Variants in FAM178B observed in about 807,000 individuals in gnomAD.
FAM178B encodes family with sequence similarity 178 member B, also known as protein FAM178B.
A neutral mutation model predicts 91.7 loss-of-function variants in FAM178B; 82 were observed. The observed-to-expected ratio is 0.89, with a 90% CI of 0.75 to 1.07. FAM178B has a LOEUF of 1.07. FAM178B is among the 50% of genes least tolerant of loss of function. The pLI, the probability that FAM178B is intolerant of heterozygous loss-of-function variation, is 0.00. For missense variants in FAM178B, 769 were observed against 846.7 expected (o/e 0.91, Z 1.14); for synonymous variants, 368 against 359.4 (o/e 1.02, Z -0.27).
At chr2:96,887,717 C>T (rs899338451) in intron 14 of FAM178B, among the ~76,000 whole-genome samples, 3 of 152,246 alleles carry the variant, frequency 2.0e-5, no homozygotes, top group African/African-American at 7.2e-5. Context: ...GTCTATTTTC[C>T]TAACTCAGAA....
chr2:96,967,680 A>G (rs1485329392), intron 4 of FAM178B, 53 bp from the exon 5 acceptor site: 1 of 1,282,980 alleles, frequency 7.8e-7, no homozygotes, highest in Non-Finnish European at 1.1e-6. Flanking sequence ...CCCATCGTGC[A>G]ACCCTGTCAC....
At chr2:96,951,275 C>T in intron 7 of FAM178B, 104 bp downstream of exon 7, 1 of 803,404 alleles carries the variant, frequency 1.2e-6, no homozygotes, top group East Asian at 2.7e-5. Flanking sequence ...CCAAGCAGCA[C>T]CTAAGGCAAG....
At chr2:96,928,455 C>T (rs569834192) in intron 9 of FAM178B, among the ~76,000 whole-genome samples, 2 of 152,334 alleles carry the variant, frequency 1.3e-5, no homozygotes, top group South Asian at 4.1e-4. Flanking sequence ...ATGATCATGA[C>T]TGTCCACGAG....
At chr2:96,880,796 G>A (rs972779548) in intron 14 of FAM178B, among the ~76,000 whole-genome samples, 6 of 152,054 alleles carry the variant, frequency 3.9e-5, no homozygotes, top group South Asian at 2.1e-4. Context: ...GGGTTTCACC[G>A]TGTTAGCCAG....
chr2:96,943,775 C>T (rs546691457), intron 8 of FAM178B, among the ~76,000 whole-genome samples: 3 of 152,314 alleles, frequency 2.0e-5, no homozygotes, highest in African/African-American at 7.2e-5. Context: ...TACTCTTCCA[C>T]CTCGTCTTTG....
rs552914846 is a variant in FAM178B at position 96,974,713 on chromosome 2, A to G, written c.74-2107T>C. 6.6e-5 allele frequency among the ~76,000 whole-genome samples: 10 copies of G among 152,310 alleles called. No homozygotes were observed. The South Asian group carries it at 2.1e-3, about 32-fold the overall frequency. ...AAAGAAAGCTCGGGTAGTTACACTA[A>G]TAACAGACTTAAGTGACTTTAAGTC... On this transcript the variant is annotated intron_variant, in intron 1 of 16. Transcript: ENST00000490605.
At chr2:96,888,175 AT>A (rs541725559) in intron 14 of FAM178B, among the ~76,000 whole-genome samples, 243 of 152,322 alleles carry the variant, frequency 1.6e-3, no homozygotes, top group Middle Eastern at 6.8e-3. Flanking sequence ...TTTGAGGTTT[AT>A]TTTTAAAGAT....
chr2:96,913,307 C>T (rs764468553), intron 12 of FAM178B, among the ~76,000 whole-genome samples: 3 of 152,144 alleles, frequency 2.0e-5, no homozygotes, highest in Non-Finnish European at 4.4e-5. Context: ...GCTGTGGCTC[C>T]GGGCAGCCTG....
chr2:96,955,338 G>A (rs554519885), intron 6 of FAM178B, among the ~76,000 whole-genome samples: 30 of 152,222 alleles, frequency 2.0e-4, no homozygotes, highest in Non-Finnish European at 3.4e-4. Context: ...GTGAAACCCC[G>A]TCTCTACTAA....
intron 8 of FAM178B, among the ~76,000 whole-genome samples, chr2:96,934,889 G>T (rs1320147): frequency 0.31 from 46,603 of 152,018 alleles, 12,139 homozygotes; most frequent in African/African-American, 0.71. Flanking sequence ...CTCCCTACCT[G>T]GCTATAACCA....
At chr2:96,904,781 G>T (rs1187530811) in intron 12 of FAM178B, among the ~76,000 whole-genome samples, 1 of 152,062 alleles carries the variant, frequency 6.6e-6, no homozygotes, top group Non-Finnish European at 1.5e-5. Context: ...AGGATGTTGA[G>T]GTGGGAGGAC....
At chr2:96,975,730 T>C (rs914409182) in intron 1 of FAM178B, among the ~76,000 whole-genome samples, 3 of 152,258 alleles carry the variant, frequency 2.0e-5, no homozygotes, top group African/African-American at 4.8e-5. Flanking sequence ...TTTCAAAACA[T>C]GTTACACTAA....
At chr2:96,971,672 T>C (rs928676402) in intron 3 of FAM178B, among the ~76,000 whole-genome samples, 11 of 152,124 alleles carry the variant, frequency 7.2e-5, no homozygotes, top group African/African-American at 2.7e-4. Flanking sequence ...CCAAAGCCAT[T>C]TGTCAGCAGG....
intron 12 of FAM178B, among the ~76,000 whole-genome samples, chr2:96,914,140 G>T (rs921201429): frequency 6.6e-5 from 10 of 152,254 alleles, no homozygotes; most frequent in African/African-American, 2.4e-4. Context: ...CTCCCGCCCA[G>T]GGAGCTCATA....
At chr2:96,914,124 G>A (rs529692555) in intron 12 of FAM178B, among the ~76,000 whole-genome samples, 4 of 152,358 alleles carry the variant, frequency 2.6e-5, no homozygotes, top group African/African-American at 7.2e-5. Context: ...GGAGATGGAC[G>A]GGGCCCTCCC....
chr2:96,898,602 C>G (rs1339872372), intron 13 of FAM178B, among the ~76,000 whole-genome samples: 1 of 152,108 alleles, frequency 6.6e-6, no homozygotes, highest in East Asian at 1.9e-4. Context: ...TGCAGTGAGT[C>G]GTGATCACAC....
chr2:96,969,631 G>T (rs1425122020), intron 4 of FAM178B, among the ~76,000 whole-genome samples: 3 of 152,212 alleles, frequency 2.0e-5, no homozygotes, highest in Non-Finnish European at 4.4e-5. Flanking sequence ...ATATTTTCAA[G>T]CGTCTACTAA....
chr2:96,958,598 G>C (rs1017219635), intron 6 of FAM178B, among the ~76,000 whole-genome samples: 1 of 151,044 alleles, frequency 6.6e-6, no homozygotes, highest in Non-Finnish European at 1.5e-5. Flanking sequence ...GCTGAGGTGG[G>C]AGAATTGCTT....
chr2:96,944,723 C>T (rs767586371), intron 8 of FAM178B, among the ~76,000 whole-genome samples: 1 of 152,202 alleles, frequency 6.6e-6, no homozygotes, highest in African/African-American at 2.4e-5. Context: ...TACGACCTAA[C>T]TAAAATGTGG....
Sources: gnomAD v4.1 joint callset for allele counts (sites outside exome capture counted in the v4.1 genomes callset) on GRCh38, gnomAD v4.1.1 for gene constraint, MANE v1.5 for transcripts, NCBI Gene and HGNC (gene_info 2026-07-23, HGNC 2026-07-21) for gene names.